MOB3B: variants seen among roughly 807,000 people sequenced by gnomAD.
MOB3B encodes the protein MOB kinase activator-like 2B.
Under a neutral mutation model 18.7 loss-of-function variants are expected in MOB3B, and 7 were observed. The observed-to-expected ratio is 0.37, with a 90% confidence interval of 0.21 to 0.70. MOB3B has a LOEUF of 0.70. Among genes scored for constraint, MOB3B ranks in the 30% least tolerant of loss-of-function variants. The pLI is 0.52. For missense variants in MOB3B, 253 were observed against 281.3 expected (o/e 0.90, Z 0.72); for synonymous variants, 111 against 99.9 (o/e 1.11, Z -0.66).
At chr9:27,528,934 G>A (rs1820484525) in intron 1 of MOB3B, among the ~76,000 whole-genome samples, 1 of 152,148 alleles carries the variant, frequency 6.6e-6, no homozygotes. Flanking sequence ...GAAAGGGAGG[G>A]GCTGGGATTC....
intron 1 of MOB3B, among the ~76,000 whole-genome samples, chr9:27,473,172 C>G (rs1819499242): frequency 6.6e-6 from 1 of 152,198 alleles, no homozygotes; most frequent in Non-Finnish European, 1.5e-5. Context: ...TTTATTTCAG[C>G]TTTGAAAGGC....
chr9:27,384,506 T>G (rs1364151439), intron 2 of MOB3B, among the ~76,000 whole-genome samples: 2 of 152,214 alleles, frequency 1.3e-5, no homozygotes, highest in Non-Finnish European at 2.9e-5. Context: ...GAAAAAAATC[T>G]GGCCATTTGA....
At chr9:27,381,308 A>G (rs749840276) in intron 2 of MOB3B, among the ~76,000 whole-genome samples, 24 of 152,088 alleles carry the variant, frequency 1.6e-4, no homozygotes, top group Non-Finnish European at 3.2e-4. Context: ...CCACAAAAAT[A>G]AATGGCTGTT....
chr9:27,353,477 T>A (rs1025939553), intron 3 of MOB3B, among the ~76,000 whole-genome samples: 2 of 152,198 alleles, frequency 1.3e-5, no homozygotes, highest in South Asian at 4.1e-4. Context: ...CCAAGCACCC[T>A]GCTATAAGGT....
At chr9:27,465,311 C>T (rs767320091) in intron 1 of MOB3B, among the ~76,000 whole-genome samples, 7 of 152,178 alleles carry the variant, frequency 4.6e-5, no homozygotes, top group Non-Finnish European at 8.8e-5. Flanking sequence ...TTTAAAGCTC[C>T]AAAATGATCT....
intron 1 of MOB3B, among the ~76,000 whole-genome samples, chr9:27,459,079 CG>C (rs1563874029): frequency 6.6e-6 from 1 of 151,728 alleles, no homozygotes; most frequent in Non-Finnish European, 1.5e-5. Flanking sequence ...TGCCACTGAA[CG>C]ACAGAACAAA....
chr9:27,362,333 T>C (rs1821285032), intron 2 of MOB3B, among the ~76,000 whole-genome samples: 2 of 152,188 alleles, frequency 1.3e-5, no homozygotes, highest in South Asian at 2.1e-4. Context: ...AAACTAGGTC[T>C]TTAGTTTAAA....
chr9:27,506,052 T>C (rs1367063719), intron 1 of MOB3B, among the ~76,000 whole-genome samples: 1 of 152,194 alleles, frequency 6.6e-6, no homozygotes, highest in African/African-American at 2.4e-5. Flanking sequence ...GCAAATGAGG[T>C]GCTGTTATCA....
rs188897077 is a variant in MOB3B, at chr9:27,344,672, A to T, written c.622-14056T>A. ...GGCAAGAGTGCCAACCTTAATGAAA[A>T]GTCTTCTTCTTCAATCATTAGGCTG... On this transcript the variant is annotated intron_variant, in intron 3 of 3. Coordinates refer to ENST00000262244, the MANE Select transcript of MOB3B (RefSeq NM_024761.5). Among the ~76,000 whole-genome samples the T allele has an allele frequency of 1.9e-3, 283 of 146,524 alleles. 2 individuals are homozygous for T. Among genetic ancestry groups the T allele is most frequent in the East Asian group, 6.6e-3 (34 of 5,136 alleles).
At chr9:27,357,657 C>T (rs1042015252) in intron 3 of MOB3B, among the ~76,000 whole-genome samples, 2 of 151,972 alleles carry the variant, frequency 1.3e-5, no homozygotes, top group African/African-American at 4.8e-5. Flanking sequence ...TTCCCATGTG[C>T]TCTCTTGTGG....
chr9:27,390,666 T>A (rs1821715170), intron 2 of MOB3B, among the ~76,000 whole-genome samples: 1 of 152,146 alleles, frequency 6.6e-6, no homozygotes, highest in Non-Finnish European at 1.5e-5. Context: ...GTATTGGAGT[T>A]CAGCAGTGAG....
At chr9:27,358,600 C>G (rs937397502) in intron 3 of MOB3B, among the ~76,000 whole-genome samples, 1 of 152,140 alleles carries the variant, frequency 6.6e-6, no homozygotes, top group Non-Finnish European at 1.5e-5. Context: ...GCAGTTTTAC[C>G]TGACTGTATC....
At chr9:27,475,205 C>T (rs1377978812) in intron 1 of MOB3B, among the ~76,000 whole-genome samples, 1 of 152,148 alleles carries the variant, frequency 6.6e-6, no homozygotes, top group Non-Finnish European at 1.5e-5. Context: ...CTCAGGCCAA[C>T]AGTTCACCAG....
intron 2 of MOB3B, among the ~76,000 whole-genome samples, chr9:27,380,506 G>A (rs1005944558): frequency 2.0e-5 from 3 of 152,070 alleles, no homozygotes; most frequent in African/African-American, 7.2e-5. Context: ...CAAAGTGCTG[G>A]GATCACAGGT....
chr9:27,454,696 C>T (rs759806890), intron 2 of MOB3B, among the ~76,000 whole-genome samples: 5 of 152,180 alleles, frequency 3.3e-5, no homozygotes, highest in Non-Finnish European at 4.4e-5. Flanking sequence ...AATTTGAACC[C>T]CCAGTTTGTT....
intron 3 of MOB3B, among the ~76,000 whole-genome samples, chr9:27,352,297 C>T (rs935050636): frequency 2.0e-4 from 30 of 148,502 alleles, no homozygotes; most frequent in African/African-American, 7.0e-4. Flanking sequence ...GGGAGGATCA[C>T]TTGAGCCCAG....
Position 27,346,948 on chromosome 9 carries a change from A to T in MOB3B, c.621+12086T>A, listed in dbSNP as rs549504990. On this transcript the variant is annotated intron_variant, in intron 3 of 3. Coordinates refer to ENST00000262244, the MANE Select transcript of MOB3B (RefSeq NM_024761.5). The stretch of plus-strand genomic sequence containing the variant: ...GAGGTGGAGGTTGCAGTGAGCCAAG[A>T]TCATGCCACTGCACTCCAGCCTGGG... 2.7e-3 allele frequency among the ~76,000 whole-genome samples: 415 copies of T among 152,300 alleles called. 1 individual carries two copies. The highest frequency in any genetic ancestry group is 9.8e-3 in the African/African-American group (407 of 41,570).
At chr9:27,407,476 C>A (rs1375578377) in intron 2 of MOB3B, among the ~76,000 whole-genome samples, 1 of 152,122 alleles carries the variant, frequency 6.6e-6, no homozygotes, top group Non-Finnish European at 1.5e-5. Flanking sequence ...TGATGGAATT[C>A]CAGTAGTCTG....
chr9:27,378,283 G>C (rs1563853906), intron 2 of MOB3B: 1 of 458,438 alleles, frequency 2.2e-6, no homozygotes. Flanking sequence ...ATGAATCTCA[G>C]CTGGGGAGGG....
Sources: allele counts gnomAD v4.1 joint callset (sites outside exome capture counted in the v4.1 genomes callset), GRCh38; gene constraint gnomAD v4.1.1; transcripts MANE v1.5; gene names NCBI Gene and HGNC (gene_info 2026-07-23, HGNC 2026-07-21).